Variants in PTPRD observed in about 807,000 individuals in gnomAD.
PTPRD encodes protein tyrosine phosphatase receptor type D.
Under a neutral mutation model 214.5 loss-of-function variants are expected in PTPRD, and 34 were observed. The observed-to-expected ratio is 0.16, with a 90% confidence interval of 0.12 to 0.21. The LOEUF (loss-of-function observed/expected upper bound fraction) is 0.21. Among genes scored for constraint, PTPRD ranks in the 10% least tolerant of loss-of-function variants. PTPRD has a pLI of 1.00. For synonymous variants in PTPRD, 1,128 were observed against 845.7 expected, an observed-to-expected ratio of 1.33 and a Z score of -5.79; for missense variants, 2,545 against 2,398.7, an observed-to-expected ratio of 1.06 and a Z score of -1.27.
intron 14 of PTPRD, among the ~76,000 whole-genome samples, chr9:8,583,511 CAT>C (rs2093368521): frequency 6.6e-6 from 1 of 151,996 alleles, no homozygotes; most frequent in African/African-American, 2.4e-5. Flanking sequence ...AAAAAAGAAA[CAT>C]AATCTTGAAC....
chr9:9,616,666 T>G (rs1400982746), intron 7 of PTPRD, among the ~76,000 whole-genome samples: 1 of 152,138 alleles, frequency 6.6e-6, no homozygotes, highest in East Asian at 1.9e-4. Flanking sequence ...AAAAAGTTCA[T>G]GATCACATAA....
intron 2 of PTPRD, among the ~76,000 whole-genome samples, chr9:10,512,831 G>A (rs1177035350): frequency 6.6e-6 from 1 of 152,022 alleles, no homozygotes; most frequent in East Asian, 1.9e-4. Flanking sequence ...AGTATAACTA[G>A]AGAAGACAAA....
chr9:9,728,822 T>C lies in PTPRD; in HGVS notation c.-287+5711A>G, dbSNP rs2098136260. Among the ~76,000 whole-genome samples, 5 of 152,156 alleles carry C rather than the reference T, an allele frequency of 3.3e-5. No homozygotes were observed. The South Asian group carries it at 1.0e-3, about 32-fold the overall frequency. On this transcript the variant is annotated intron_variant, in intron 7 of 45. Transcript: ENST00000381196. ...AAGTAGACCATTTTGAGTGTAGATA[T>C]GTATCTTGTAGATTTTTTCCTATTT...
chr9:8,944,759 G>T (rs2099053539), intron 11 of PTPRD, among the ~76,000 whole-genome samples: 1 of 151,998 alleles, frequency 6.6e-6, no homozygotes, highest in Non-Finnish European at 1.5e-5. Flanking sequence ...GAATAGTGGG[G>T]TTGGGGTGAA....
intron 12 of PTPRD, among the ~76,000 whole-genome samples, chr9:8,681,707 A>C (rs2097552976): frequency 6.6e-6 from 1 of 152,186 alleles, no homozygotes; most frequent in Non-Finnish European, 1.5e-5. Context: ...GAGATACCCC[A>C]CTGCAAACAT....
chr9:10,455,841 A>C (rs73390356), intron 2 of PTPRD, among the ~76,000 whole-genome samples: 1 of 151,746 alleles, frequency 6.6e-6, no homozygotes, highest in Admixed American at 6.6e-5. Context: ...TTTCAGTAGA[A>C]TATAAAATAT....
chr9:9,281,888 T>A (rs1221044695), intron 9 of PTPRD, among the ~76,000 whole-genome samples: 1 of 151,108 alleles, frequency 6.6e-6, no homozygotes, highest in Non-Finnish European at 1.5e-5. Flanking sequence ...TAAACTGTAG[T>A]ATATCCAGAT....
At chr9:9,284,587 A>G (rs1948778569) in intron 9 of PTPRD, among the ~76,000 whole-genome samples, 2 of 151,722 alleles carry the variant, frequency 1.3e-5, no homozygotes, top group Non-Finnish European at 2.9e-5. Context: ...CCCTCAGAGA[A>G]GTTTTTGAAG....
At chr9:10,536,984 T>G (rs2057956921) in intron 2 of PTPRD, among the ~76,000 whole-genome samples, 1 of 152,172 alleles carries the variant, frequency 6.6e-6, no homozygotes, top group African/African-American at 2.4e-5. Flanking sequence ...TCAAAGCTCC[T>G]TTTCCTTCTG....
At chr9:10,285,467 T>C (rs2095313230) in intron 3 of PTPRD, among the ~76,000 whole-genome samples, 1 of 152,138 alleles carries the variant, frequency 6.6e-6, no homozygotes, top group Non-Finnish European at 1.5e-5. Context: ...CTAAAGTTAA[T>C]TATTCTTATA....
intron 11 of PTPRD, among the ~76,000 whole-genome samples, chr9:8,893,118 AT>A (rs534573734): frequency 6.6e-6 from 1 of 152,158 alleles, no homozygotes; most frequent in African/African-American, 2.4e-5. Flanking sequence ...AAGGAAAAAA[AT>A]ATATATGATA....
At chr9:9,106,769 C>T (rs1409341706) in intron 10 of PTPRD, among the ~76,000 whole-genome samples, 1 of 151,898 alleles carries the variant, frequency 6.6e-6, no homozygotes, top group Non-Finnish European at 1.5e-5. Context: ...GATAGTTGTT[C>T]TTTCTCCATG....
intron 35 of PTPRD, among the ~76,000 whole-genome samples, chr9:8,421,852 T>A (rs10977078): frequency 0.03 from 4,547 of 151,940 alleles, 229 homozygotes; most frequent in African/African-American, 0.1. Context: ...TTTTTTTTTT[T>A]AAATGGTGAA....
At chr9:9,696,450 C>T (rs529808786) in intron 7 of PTPRD, among the ~76,000 whole-genome samples, 9 of 152,182 alleles carry the variant, frequency 5.9e-5, no homozygotes, top group Non-Finnish European at 1.2e-4. Flanking sequence ...CCTTTTAGAT[C>T]TATTAATGTT....
chr9:9,423,854 A>G (rs2079783983), intron 8 of PTPRD, among the ~76,000 whole-genome samples: 1 of 152,214 alleles, frequency 6.6e-6, no homozygotes, highest in East Asian at 1.9e-4. Context: ...GAAAAGAATA[A>G]ATAATGCAGA....
At chr9:10,253,173 A>T (rs2092942022) in intron 3 of PTPRD, among the ~76,000 whole-genome samples, 1 of 152,192 alleles carries the variant, frequency 6.6e-6, no homozygotes, top group South Asian at 2.1e-4. Flanking sequence ...AATTTCTGAT[A>T]TGTAGAAATA....
intron 7 of PTPRD, among the ~76,000 whole-genome samples, chr9:9,725,256 T>C (rs1455578951): frequency 6.6e-6 from 1 of 151,924 alleles, no homozygotes; most frequent in Non-Finnish European, 1.5e-5. Context: ...GTTCCCATGA[T>C]AGTGAATAAG....
chr9:9,327,185 G>T (rs1441853307), intron 9 of PTPRD, among the ~76,000 whole-genome samples: 3 of 152,058 alleles, frequency 2.0e-5, no homozygotes, highest in Non-Finnish European at 2.9e-5. Flanking sequence ...CATTTATATT[G>T]AGTAGAAGCA....
At chr9:9,907,834 C>G (rs899110737) in intron 5 of PTPRD, among the ~76,000 whole-genome samples, 5 of 151,962 alleles carry the variant, frequency 3.3e-5, no homozygotes, top group Non-Finnish European at 5.9e-5. Flanking sequence ...TAGTGAATCA[C>G]TTAACAGTTG....
Sources: allele counts gnomAD v4.1 joint callset (sites outside exome capture counted in the v4.1 genomes callset), GRCh38; gene constraint gnomAD v4.1.1; transcripts MANE v1.5; gene names NCBI Gene and HGNC (gene_info 2026-07-23, HGNC 2026-07-21).